The following PCDHA12 variants were observed in gnomAD, a reference collection of about 807,000 sequenced individuals.
PCDHA12 encodes protocadherin alpha 12.
A neutral mutation model predicts 60.0 loss-of-function variants in PCDHA12; 44 were observed. The observed-to-expected ratio is 0.73, with a 90% CI of 0.58 to 0.94. The LOEUF (loss-of-function observed/expected upper bound fraction) is 0.94. Among genes scored for constraint, PCDHA12 ranks in the 40% least tolerant of loss-of-function variants. PCDHA12 has a pLI of 0.00. For synonymous variants in PCDHA12, 569 were observed against 553.0 expected, an observed-to-expected ratio of 1.03 and a Z score of -0.40; for missense variants, 1,276 against 1,239.7, an observed-to-expected ratio of 1.03 and a Z score of -0.44.
chr5:140,958,873 A>G (rs1554223676), intron 1 of PCDHA12, among the ~76,000 whole-genome samples: 1 of 152,100 alleles, frequency 6.6e-6, no homozygotes, highest in East Asian at 1.9e-4. Context: ...TTTATAAAAG[A>G]ATTGACCAGT....
rs782537122 is a variant in PCDHA12 at position 140,875,892 on chromosome 5, A to G, written c.420A>G (p.Val140=). The change falls in exon 1 of 4, where the codon GTA becomes GTG. Residue 140 remains valine (V), a synonymous_variant. Coordinates refer to ENST00000398631, the MANE Select transcript of PCDHA12 (RefSeq NM_018903.4). The part of the protein sequence containing the change: ...PPVFREREQK[V]PVSESAPLDS... ...TGTTCAGAGAAAGGGAACAAAAGGTACCTGTTTCTGAATCTGCGCCTCTGG... is the reference window on the plus strand; with the variant it reads ...TGTTCAGAGAAAGGGAACAAAAGGTGCCTGTTTCTGAATCTGCGCCTCTGG... 9 of 1,614,044 alleles carry G rather than the reference A, an allele frequency of 5.6e-6. No homozygotes were observed. The African/African-American group carries it at 1.2e-4, about 22-fold the overall frequency.
chr5:141,011,085 T>C lies in PCDHA12; in HGVS notation c.*1148T>C, dbSNP rs2098419298. The C allele has an allele frequency of 6.5e-6, 1 of 153,776 alleles. No homozygotes were observed. Among genetic ancestry groups the C allele is most frequent in the Non-Finnish European group, 1.5e-5 (1 of 68,046 alleles). The allele number at this position is 153,776 out of a possible 1,614,324, so 9.5% of individuals were successfully genotyped here. A position where few individuals can be genotyped will look rare whatever the true frequency, so the allele number is the denominator to read the frequency against. ...ATGTATTACTAAATAAAATGATCTC[T>C]CTTTCTCTCTCTCTCTCTCTTTTCT... On this transcript the variant is annotated 3_prime_UTR_variant, in exon 4 of 4. Transcript: ENST00000398631.
intron 1 of PCDHA12, among the ~76,000 whole-genome samples, chr5:140,931,204 A>G (rs782790968): frequency 7.2e-5 from 11 of 152,176 alleles, no homozygotes; most frequent in Non-Finnish European, 1.5e-4. Context: ...CAATGCTAGT[A>G]TTTCAGGTAT....
chr5:140,934,209 C>G (rs1554209791), intron 1 of PCDHA12, among the ~76,000 whole-genome samples: 1 of 152,068 alleles, frequency 6.6e-6, no homozygotes, highest in Non-Finnish European at 1.5e-5. Context: ...TTTCCTCACA[C>G]AAAATGTTTA....
intron 1 of PCDHA12, chr5:140,966,679 G>T: frequency 1.5e-6 from 2 of 1,317,678 alleles, no homozygotes; most frequent in Admixed American, 3.8e-5. Context: ...AGGGTGGCAC[G>T]AGCGGAGGCG....
chr5:140,999,505 A>C (rs1221080631), intron 3 of PCDHA12, among the ~76,000 whole-genome samples: 3 of 152,134 alleles, frequency 2.0e-5, no homozygotes, highest in African/African-American at 7.2e-5. Flanking sequence ...AAGAACCTAC[A>C]TTTTAAGCAT....
chr5:140,921,440 G>C (rs1026829665), intron 1 of PCDHA12, among the ~76,000 whole-genome samples: 1 of 152,056 alleles, frequency 6.6e-6, no homozygotes, highest in South Asian at 2.1e-4. Flanking sequence ...CTTCAATGGT[G>C]TCTGAAAAGG....
chr5:140,924,887 C>A (rs528979895), intron 1 of PCDHA12, among the ~76,000 whole-genome samples: 1 of 126,448 alleles, frequency 7.9e-6, no homozygotes, highest in African/African-American at 3.2e-5. Flanking sequence ...AGAGCAAGAA[C>A]CTGTCTCAAA....
intron 1 of PCDHA12, among the ~76,000 whole-genome samples, chr5:140,938,703 T>A: frequency 6.6e-6 from 1 of 152,170 alleles, no homozygotes; most frequent in East Asian, 1.9e-4. Flanking sequence ...AAATATATGT[T>A]TATGATAGAA....
intron 1 of PCDHA12, among the ~76,000 whole-genome samples, chr5:140,890,854 T>G (rs1320462436): frequency 6.6e-6 from 1 of 152,232 alleles, no homozygotes; most frequent in Non-Finnish European, 1.5e-5. Context: ...TTTCTCTTCC[T>G]TACTTCTTGC....
intron 3 of PCDHA12, among the ~76,000 whole-genome samples, chr5:140,990,194 G>A (rs2097380047): frequency 6.6e-6 from 1 of 152,076 alleles, no homozygotes; most frequent in Non-Finnish European, 1.5e-5. Context: ...ACCAAATGTG[G>A]ACCCGAAAGA....
intron 1 of PCDHA12, among the ~76,000 whole-genome samples, chr5:140,893,162 G>A (rs2063851714): frequency 6.6e-6 from 1 of 152,202 alleles, no homozygotes; most frequent in Non-Finnish European, 1.5e-5. Flanking sequence ...GGATATTGAG[G>A]TTGATTCCAC....
At chr5:140,907,500 G>T (rs2073413620) in intron 1 of PCDHA12, among the ~76,000 whole-genome samples, 1 of 152,228 alleles carries the variant, frequency 6.6e-6, no homozygotes, top group Non-Finnish European at 1.5e-5. Flanking sequence ...TCCAGAGTAA[G>T]TGTCTATTCC....
At position 140,946,316 on chromosome 5, in the gene PCDHA12, G is replaced by C. The variant is rs1293160526; in HGVS notation, c.2368-32633G>C. ...CACACCTGGTAGAATGGCTATTATTGAAAGAGGAAAGATAACAAGTGATGG... is the reference window on the plus strand; with the variant it reads ...CACACCTGGTAGAATGGCTATTATTCAAAGAGGAAAGATAACAAGTGATGG... On this transcript the variant is annotated intron_variant, in intron 1 of 3. Transcript: ENST00000398631. Among the ~76,000 whole-genome samples, 3 of 151,662 alleles carry C rather than the reference G, an allele frequency of 2.0e-5. No individual in the cohort carries two copies. In the East Asian group the frequency reaches 5.8e-4, roughly 29 times the overall value.
chr5:140,943,737 C>T (rs551964655), intron 1 of PCDHA12, among the ~76,000 whole-genome samples: 12 of 152,258 alleles, frequency 7.9e-5, no homozygotes, highest in African/African-American at 2.9e-4. Context: ...TGAAAGTCCA[C>T]AGTCTAAAAG....
intron 3 of PCDHA12, among the ~76,000 whole-genome samples, chr5:140,994,608 G>C (rs1231327885): frequency 1.3e-5 from 2 of 152,098 alleles, no homozygotes; most frequent in Admixed American, 1.3e-4. Context: ...GGGAGGCTGA[G>C]GCACGAGAGT....
intron 1 of PCDHA12, among the ~76,000 whole-genome samples, chr5:140,959,991 G>A (rs2095520706): frequency 6.6e-6 from 1 of 152,168 alleles, no homozygotes; most frequent in South Asian, 2.1e-4. Flanking sequence ...GTTGGGATAT[G>A]AAATACAAAT....
Position 140,876,841 on chromosome 5 carries a change from C to T in PCDHA12, c.1369C>T (p.Gln457Ter), listed in dbSNP as rs782712356. Reference protein sequence around the residue: ...DVNDNAPAFAQPEYTVFVKEN... With the variant: ...DVNDNAPAFA ...GAACGACAATGCGCCTGCGTTCGCGCAGCCCGAGTACACAGTGTTCGTGAA... is the reference window on the plus strand; with the variant it reads ...GAACGACAATGCGCCTGCGTTCGCGTAGCCCGAGTACACAGTGTTCGTGAA... Residue 457 changes from glutamine to a stop codon, truncating the protein, a stop_gained, in exon 1 of 4, where the codon CAG becomes TAG. Transcript: ENST00000398631. LOFTEE classifies it high-confidence loss of function. 4.3e-6 allele frequency: 7 copies of T among 1,614,130 alleles called. No homozygotes were observed. In the South Asian group the frequency reaches 7.7e-5, roughly 18 times the overall value.
At chr5:140,936,972 T>C (rs2091238144) in intron 1 of PCDHA12, among the ~76,000 whole-genome samples, 2 of 152,314 alleles carry the variant, frequency 1.3e-5, no homozygotes, top group South Asian at 4.1e-4. Context: ...TATAAAAATA[T>C]GAAGCTTGTT....
Sources: gnomAD v4.1 joint callset for allele counts (sites outside exome capture counted in the v4.1 genomes callset) on GRCh38, gnomAD v4.1.1 for gene constraint, MANE v1.5 for transcripts, NCBI Gene and HGNC (gene_info 2026-07-23, HGNC 2026-07-21) for gene names.